TFB1M: variants seen among roughly 807,000 people sequenced by gnomAD.
The protein encoded by TFB1M is dimethyladenosine transferase 1, mitochondrial.
TFB1M carries 27 observed loss-of-function variants against 31.1 expected under a neutral mutation model. The observed-to-expected ratio is 0.87, with a 90% confidence interval of 0.64 to 1.20. TFB1M has a LOEUF of 1.20. TFB1M is among the 50% of genes most tolerant of loss of function. The pLI is 0.00. For synonymous variants in TFB1M, 166 were observed against 151.8 expected, an observed-to-expected ratio of 1.09 and a Z score of -0.69; for missense variants, 394 against 418.7, an observed-to-expected ratio of 0.94 and a Z score of 0.51.
chr6:155,298,798 T>C (rs892388872), intron 2 of TFB1M, among the ~76,000 whole-genome samples: 2 of 152,198 alleles, frequency 1.3e-5, no homozygotes, highest in Admixed American at 1.3e-4. Flanking sequence ...TAACAGACAG[T>C]ACAACACTAG....
chr6:155,240,239 G>A, the TFB1M span, among the ~76,000 whole-genome samples: 1 of 152,262 alleles, frequency 6.6e-6, no homozygotes, highest in South Asian at 2.1e-4. Context: ...CAGAGGGTTA[G>A]CCCTAGGCAA....
the TFB1M span, chr6:155,245,742 T>A: frequency 1.4e-6 from 2 of 1,460,834 alleles, no homozygotes; most frequent in Non-Finnish European, 1.8e-6. Flanking sequence ...GTAAGTTGCT[T>A]ATGCCTTTTA....
At chr6:155,252,141 C>T (rs77522040), downstream of TFB1M, 37,914 of 650,138 alleles carry the variant, frequency 0.058, 1,667 homozygotes, top group East Asian at 0.19. Flanking sequence ...AACCCCATCA[C>T]ATACTGAGAG....
At chr6:155,244,700 CAGA>C in the TFB1M span, 1 of 1,614,100 alleles carries the variant, frequency 6.2e-7, no homozygotes, top group African/African-American at 1.3e-5. Flanking sequence ...GCTTGAGTTT[CAGA>C]AGGTGTTTCT....
At chr6:155,310,049 A>C (rs1777949972) in intron 2 of TFB1M, among the ~76,000 whole-genome samples, 1 of 152,212 alleles carries the variant, frequency 6.6e-6, no homozygotes, top group Non-Finnish European at 1.5e-5. Flanking sequence ...TCTTAAAAAA[A>C]TCAGATACAT....
the TFB1M span, chr6:155,243,907 C>T: frequency 3.1e-6 from 2 of 642,404 alleles, no homozygotes; most frequent in East Asian, 3.6e-5. Flanking sequence ...ACTTCATTAT[C>T]CTGATGGGAG....
At chr6:155,259,135 C>G (rs866232477) in intron 6 of TFB1M, among the ~76,000 whole-genome samples, 2 of 152,154 alleles carry the variant, frequency 1.3e-5, no homozygotes, top group African/African-American at 2.4e-5. Context: ...TGTGCTCCCT[C>G]CTCCCCCATG....
downstream of TFB1M, chr6:155,251,137 T>C: frequency 3.5e-6 from 3 of 867,830 alleles, no homozygotes; most frequent in Admixed American, 2.0e-5. Context: ...ATTGCTATAA[T>C]GGTTGGGGAC....
At chr6:155,276,639 T>C (rs1785236709) in intron 5 of TFB1M, 1 of 342,328 alleles carries the variant, frequency 2.9e-6, no homozygotes, top group Non-Finnish European at 5.1e-6. Flanking sequence ...ATTACATTCA[T>C]AAGGCAATTA....
intron 4 of TFB1M, 39 bp downstream of exon 4, chr6:155,296,914 G>C: frequency 6.3e-7 from 1 of 1,583,464 alleles, no homozygotes; most frequent in Non-Finnish European, 8.7e-7. Flanking sequence ...TTTGGAATTT[G>C]AACATGTGAT....
intron 4 of TFB1M, among the ~76,000 whole-genome samples, chr6:155,288,120 A>T (rs890314613): frequency 6.6e-6 from 1 of 152,212 alleles, no homozygotes; most frequent in Non-Finnish European, 1.5e-5. Flanking sequence ...GCTTTGCCTT[A>T]AGGAAGATTA....
chr6:155,233,611 T>C, the TFB1M span, among the ~76,000 whole-genome samples: 4 of 152,146 alleles, frequency 2.6e-5, no homozygotes, highest in Non-Finnish European at 1.5e-5. Context: ...AGTGGGATGC[T>C]CCTCATCTAT....
chr6:155,302,644 C>T (rs1004107405), intron 2 of TFB1M, among the ~76,000 whole-genome samples: 4 of 151,980 alleles, frequency 2.6e-5, no homozygotes, highest in East Asian at 3.8e-4. Context: ...CATAACCACT[C>T]GTATCTTAAA....
chr6:155,269,324 C>CTTTTTTT lies in TFB1M; in HGVS notation c.667-8931_667-8925dup, dbSNP rs60162262. Among the ~76,000 whole-genome samples the CTTTTTTT allele has an allele frequency of 1.0e-4, 13 of 127,234 alleles. 1 individual carries two copies. The highest frequency in any genetic ancestry group is 2.5e-4 in the South Asian group (1 of 3,996). The allele number at this position is 127,234 out of a possible 152,430, so 83.5% of individuals were successfully genotyped here. The stretch of plus-strand genomic sequence containing the variant: ...GCTTAGTTTTCTTTTCTTTTCTTTT[C>CTTTTTTT]TTTTTTTTTTTTTTTGAGATGGAGT... On this transcript the variant is annotated intron_variant, in intron 5 of 6. Transcript: ENST00000367166.
the TFB1M span, among the ~76,000 whole-genome samples, chr6:155,247,098 A>C: frequency 1.3e-5 from 2 of 152,222 alleles, no homozygotes; most frequent in African/African-American, 4.8e-5. Context: ...AGGTATGCGA[A>C]AGGTGAATCT....
At chr6:155,253,010 G>A, downstream of TFB1M, 1 of 1,614,162 alleles carries the variant, frequency 6.2e-7, no homozygotes, top group Non-Finnish European at 8.5e-7. Flanking sequence ...TCCGCTGGTT[G>A]ATCCCCATCT....
At chr6:155,276,049 CA>C (rs780591787) in intron 5 of TFB1M, 3 of 1,614,110 alleles carry the variant, frequency 1.9e-6, no homozygotes, top group Non-Finnish European at 2.5e-6. Context: ...TAGGAGGGGA[CA>C]GAGAAACCAA....
intron 4 of TFB1M, among the ~76,000 whole-genome samples, chr6:155,291,027 T>A (rs1419891011): frequency 6.6e-6 from 1 of 152,034 alleles, no homozygotes; most frequent in East Asian, 1.9e-4. Flanking sequence ...GTAAGGTGTT[T>A]CCCTGAGTTT....
At position 155,314,311 on chromosome 6, in the gene TFB1M, C is replaced by A. The variant is rs775775897; in HGVS notation, c.118G>T (p.Asp40Tyr). 2 of 1,614,008 alleles carry A rather than the reference C, an allele frequency of 1.2e-6. No individual in the cohort carries two copies. Among genetic ancestry groups the A allele is most frequent in the African/African-American group, 1.3e-5 (1 of 74,946 alleles). Reference sequence around the variant, plus strand: ...AGCCATCCACCTGTCAGCCTCAAGTCCAGGAGGAAATTCTGTGATAGCTGC... The same window carrying A: ...AGCCATCCACCTGTCAGCCTCAAGTACAGGAGGAAATTCTGTGATAGCTGC... ...AKQLSQNFLL[D>Y]LRLTDKIVRK... Residue 40 changes from aspartate to tyrosine, a missense_variant, in exon 1 of 7, where the codon GAC becomes TAC. Asp to Tyr is a radical substitution (Grantham distance 160, BLOSUM62 -3). Coordinates refer to ENST00000367166, the MANE Select transcript of TFB1M (RefSeq NM_016020.4).
Sources: gnomAD v4.1 joint callset for allele counts (sites outside exome capture counted in the v4.1 genomes callset) on GRCh38, gnomAD v4.1.1 for gene constraint, MANE v1.5 for transcripts, NCBI Gene and HGNC (gene_info 2026-07-23, HGNC 2026-07-21) for gene names.